STK32B: variants seen among roughly 807,000 people sequenced by gnomAD.
STK32B encodes the protein serine/threonine kinase 32B, also known as serine/threonine-protein kinase 32B.
A neutral mutation model predicts 52.6 loss-of-function variants in STK32B; 43 were observed. The observed-to-expected ratio is 0.82, with a 90% CI of 0.64 to 1.05. STK32B has a LOEUF of 1.05. Among genes scored for constraint, STK32B ranks in the 50% least tolerant of loss-of-function variants. The pLI is 0.00. For missense variants in STK32B, 621 were observed against 534.6 expected, an observed-to-expected ratio of 1.16 and a Z score of -1.59; for synonymous variants, 238 against 204.3, an observed-to-expected ratio of 1.17 and a Z score of -1.41.
At chr4:5,070,971 A>G (rs560543277) in intron 1 of STK32B, among the ~76,000 whole-genome samples, 1 of 152,298 alleles carries the variant, frequency 6.6e-6, no homozygotes, top group African/African-American at 2.4e-5. Flanking sequence ...CTGCTCCTGT[A>G]CATGCTCCGT....
chr4:5,160,393 C>A (rs1266602684), intron 2 of STK32B, among the ~76,000 whole-genome samples: 4 of 152,148 alleles, frequency 2.6e-5, no homozygotes, highest in Non-Finnish European at 5.9e-5. Context: ...TGTGTCAACA[C>A]GTGCCACGGC....
chr4:5,284,119 T>A (rs781071474), intron 3 of STK32B, among the ~76,000 whole-genome samples: 3 of 152,114 alleles, frequency 2.0e-5, no homozygotes, highest in Non-Finnish European at 4.4e-5. Flanking sequence ...AATGCATAAG[T>A]TTTTGTATGT....
intron 4 of STK32B, among the ~76,000 whole-genome samples, chr4:5,389,960 G>C (rs1481679648): frequency 4.0e-5 from 6 of 151,766 alleles, no homozygotes; most frequent in South Asian, 2.1e-4. Context: ...GTGCCGCAAG[G>C]GGGTGCCAGC....
At chr4:5,296,189 G>A (rs956364120) in intron 3 of STK32B, among the ~76,000 whole-genome samples, 2 of 152,080 alleles carry the variant, frequency 1.3e-5, no homozygotes, top group Non-Finnish European at 2.9e-5. Flanking sequence ...CAATTATGTG[G>A]TCAATTTTAG....
At chr4:5,342,054 G>A (rs746975178) in intron 4 of STK32B, among the ~76,000 whole-genome samples, 1 of 152,078 alleles carries the variant, frequency 6.6e-6, no homozygotes, top group Non-Finnish European at 1.5e-5. Context: ...AACAACAGGT[G>A]CTGGAGAGGA....
At chr4:5,245,940 C>G (rs916121834) in intron 3 of STK32B, among the ~76,000 whole-genome samples, 2 of 152,184 alleles carry the variant, frequency 1.3e-5, no homozygotes, top group African/African-American at 4.8e-5. Flanking sequence ...GCTGAGAGAT[C>G]CACTGTTAGT....
chr4:5,420,652 C>A (rs959493090), intron 6 of STK32B, among the ~76,000 whole-genome samples: 2 of 152,098 alleles, frequency 1.3e-5, no homozygotes, highest in African/African-American at 4.8e-5. Flanking sequence ...TGCAGGAAGG[C>A]AGAGAACCGA....
chr4:5,102,904 TCCCTC>T (rs1301451077), intron 1 of STK32B, among the ~76,000 whole-genome samples: 1 of 77,490 alleles, frequency 1.3e-5, no homozygotes, highest in Non-Finnish European at 2.4e-5. Flanking sequence ...CCTTCCTTCC[TCCCTC>T]CCCTCCCCTC....
chr4:5,119,440 CCTTTCT>C (rs1714910360), intron 1 of STK32B, among the ~76,000 whole-genome samples: 1 of 152,220 alleles, frequency 6.6e-6, no homozygotes, highest in African/African-American at 2.4e-5. Flanking sequence ...AATAGTTTGG[CCTTTCT>C]CTTAGCAACC....
intron 3 of STK32B, among the ~76,000 whole-genome samples, chr4:5,194,600 T>A (rs1218634264): frequency 6.6e-6 from 1 of 152,236 alleles, no homozygotes; most frequent in Non-Finnish European, 1.5e-5. Flanking sequence ...TTTTTATTTT[T>A]AATTATATTC....
chr4:5,233,767 A>G (rs1275277910), intron 3 of STK32B, among the ~76,000 whole-genome samples: 1 of 151,574 alleles, frequency 6.6e-6, no homozygotes, highest in East Asian at 1.9e-4. Flanking sequence ...TAGAGAGGAA[A>G]GCTGAGATCA....
In STK32B at chr4:5,460,241, C is replaced by A; in HGVS notation, c.909+13C>A. 1.9e-6 allele frequency: 3 copies of A among 1,605,584 alleles called. No individual in the cohort carries two copies. The highest frequency in any genetic ancestry group is 1.1e-5 in the South Asian group (1 of 89,376). On this transcript the variant is annotated intron_variant, in intron 9 of 11. Transcript: ENST00000282908. The surrounding 1 kb of genome is among the most constrained non-coding windows in gnomAD (Gnocchi z 4.8). ...CTTTGTGCCCAATGTGAGTGGAAGTCCCACCTGATGTCATGCCACCCCTCT... is the reference window on the plus strand; with the variant it reads ...CTTTGTGCCCAATGTGAGTGGAAGTACCACCTGATGTCATGCCACCCCTCT...
At chr4:5,442,262 G>A (rs1273928817) in intron 6 of STK32B, among the ~76,000 whole-genome samples, 1 of 148,582 alleles carries the variant, frequency 6.7e-6, no homozygotes, top group African/African-American at 2.5e-5. Flanking sequence ...GGTCACTCAG[G>A]ACTTGCTTCA....
At chr4:5,230,775 C>T (rs1033251769) in intron 3 of STK32B, among the ~76,000 whole-genome samples, 1 of 152,154 alleles carries the variant, frequency 6.6e-6, no homozygotes, top group Non-Finnish European at 1.5e-5. Context: ...CTCAGGAAAC[C>T]TTAGCTGCTA....
At chr4:5,493,823 C>A (rs540566501) in intron 11 of STK32B, among the ~76,000 whole-genome samples, 10 of 152,222 alleles carry the variant, frequency 6.6e-5, no homozygotes, top group Non-Finnish European at 1.5e-5. Flanking sequence ...TTTCTGCCTT[C>A]ATTTCGTTAT....
chr4:5,357,100 C>CACACACACACAT (rs1462680588), intron 4 of STK32B, among the ~76,000 whole-genome samples: 1 of 151,938 alleles, frequency 6.6e-6, no homozygotes, highest in Non-Finnish European at 1.5e-5. Context: ...CACACACACA[C>CACACACACACAT]ACACACACAC....
intron 4 of STK32B, among the ~76,000 whole-genome samples, chr4:5,387,637 C>G (rs1560373041): frequency 6.6e-6 from 1 of 152,132 alleles, no homozygotes; most frequent in Admixed American, 6.5e-5. Flanking sequence ...ACAGGTCGGT[C>G]AAGCGACTCT....
intron 3 of STK32B, among the ~76,000 whole-genome samples, chr4:5,291,438 GTATTA>G (rs1212110227): frequency 1.3e-5 from 2 of 152,032 alleles, no homozygotes; most frequent in South Asian, 2.1e-4. Flanking sequence ...ATTGTTTTCT[GTATTA>G]TATTTTCAGA....
At chr4:5,432,815 A>ATT (rs1713709166) in intron 6 of STK32B, among the ~76,000 whole-genome samples, 1 of 152,180 alleles carries the variant, frequency 6.6e-6, no homozygotes, top group East Asian at 1.9e-4. Flanking sequence ...ACTAGATACC[A>ATT]TTTATTGAGC....
Sources: allele counts gnomAD v4.1 joint callset (sites outside exome capture counted in the v4.1 genomes callset), GRCh38; gene constraint gnomAD v4.1.1; non-coding constraint Gnocchi (gnomAD v3.1); transcripts MANE v1.5; gene names NCBI Gene and HGNC (gene_info 2026-07-23, HGNC 2026-07-21).